Variants in CTIF observed in about 807,000 individuals in gnomAD.
The protein encoded by CTIF is cap binding complex dependent translation initiation factor, also known as CBP80/20-dependent translation initiation factor.
Under a neutral mutation model 66.0 loss-of-function variants are expected in CTIF, and 21 were observed. That is an observed-to-expected ratio of 0.32 (90% confidence interval 0.23 to 0.46). CTIF has a LOEUF of 0.46. Ranked by LOEUF, CTIF falls within the 20% of genes least tolerant of loss-of-function variation. The pLI is 1.00. For synonymous variants in CTIF, 345 were observed against 326.4 expected (o/e 1.06, Z -0.62); for missense variants, 739 against 812.7 (o/e 0.91, Z 1.10).
At chr18:48,788,631 G>A (rs543451654) in intron 9 of CTIF, among the ~76,000 whole-genome samples, 35 of 152,274 alleles carry the variant, frequency 2.3e-4, no homozygotes, top group African/African-American at 8.2e-4. Flanking sequence ...GGAGCAGTGG[G>A]AACAGCCAGA....
At chr18:48,630,318 T>C (rs1429040824) in intron 2 of CTIF, among the ~76,000 whole-genome samples, 1 of 152,184 alleles carries the variant, frequency 6.6e-6, no homozygotes, top group East Asian at 1.9e-4. Context: ...CGACTGTGCA[T>C]GTTGCAAGTA....
At chr18:48,794,914 C>T (rs1275469176) in intron 9 of CTIF, among the ~76,000 whole-genome samples, 2 of 151,762 alleles carry the variant, frequency 1.3e-5, no homozygotes, top group African/African-American at 2.4e-5. Flanking sequence ...CATGGGTGAT[C>T]GGTAGGGGGT....
chr18:48,671,492 A>G (rs1470324288), intron 6 of CTIF, among the ~76,000 whole-genome samples: 1 of 152,040 alleles, frequency 6.6e-6, no homozygotes. Flanking sequence ...ATCTATATCC[A>G]TTCATCTCTT....
intron 7 of CTIF, among the ~76,000 whole-genome samples, chr18:48,726,392 C>T (rs568378602): frequency 1.3e-5 from 2 of 152,284 alleles, no homozygotes; most frequent in African/African-American, 4.8e-5. Context: ...GGTCAGGAAT[C>T]CAGGAGCAGT....
At chr18:48,705,700 A>G (rs1034019008) in intron 6 of CTIF, among the ~76,000 whole-genome samples, 1 of 151,996 alleles carries the variant, frequency 6.6e-6, no homozygotes, top group African/African-American at 2.4e-5. Context: ...GCCCAGCCCA[A>G]CTCCCGGCAC....
intron 7 of CTIF, among the ~76,000 whole-genome samples, chr18:48,728,573 C>G (rs1260345237): frequency 6.6e-6 from 1 of 152,158 alleles, no homozygotes; most frequent in Non-Finnish European, 1.5e-5. Context: ...TGACACTTGA[C>G]TCAGATGGGA....
intron 9 of CTIF, among the ~76,000 whole-genome samples, chr18:48,809,201 A>G (rs1049353962): frequency 6.6e-6 from 1 of 152,130 alleles, no homozygotes; most frequent in African/African-American, 2.4e-5. Context: ...AAAGCTGTTG[A>G]TTTTGTGTAT....
intron 7 of CTIF, among the ~76,000 whole-genome samples, chr18:48,724,527 T>C (rs2092369161): frequency 6.6e-6 from 1 of 152,204 alleles, no homozygotes; most frequent in African/African-American, 2.4e-5. Context: ...TGGCCTCCTC[T>C]GATTCTGCAG....
Position 48,709,158 on chromosome 18 carries a change from A to G in CTIF, c.508-2461A>G, listed in dbSNP as rs116444930. Among the ~76,000 whole-genome samples, 1,420 of 152,378 alleles carry G rather than the reference A, an allele frequency of 9.3e-3. 24 individuals carry two copies. Among genetic ancestry groups the G allele is most frequent in the African/African-American group, 0.031 (1,299 of 41,586 alleles). On this transcript the variant is annotated intron_variant, in intron 6 of 11. Coordinates refer to ENST00000256413, the MANE Select transcript of CTIF (RefSeq NM_014772.3). ...ATGGAAACTGAGGCACATAGAGGTT[A>G]GGTCATCTGCTCAAAGTCACACAGC...
At chr18:48,613,542 A>G (rs2090346887) in intron 1 of CTIF, among the ~76,000 whole-genome samples, 1 of 152,150 alleles carries the variant, frequency 6.6e-6, no homozygotes, top group Non-Finnish European at 1.5e-5. Context: ...CTTTTTGTCA[A>G]AGAACATGGG....
At position 48,663,829 on chromosome 18, in the gene CTIF, A is replaced by G. The variant is rs75687084; in HGVS notation, c.326+4A>G. ...CCAACACCTTCGATTCCTTCAGGTA[A>G]CCTCCTCCTCCCTCCTTCCCTGTGG... On this transcript the variant is annotated splice_donor_region_variant and intron_variant, in intron 4 of 11. Coordinates refer to ENST00000256413, the MANE Select transcript of CTIF (RefSeq NM_014772.3). 1.7e-3 allele frequency: 2,710 copies of G among 1,613,596 alleles called. 17 individuals are homozygous for G. The African/African-American group carries it at 0.024, about 14-fold the overall frequency.
At chr18:48,636,867 C>T (rs951734026) in intron 3 of CTIF, among the ~76,000 whole-genome samples, 182 bp downstream of exon 3, 3 of 152,120 alleles carry the variant, frequency 2.0e-5, no homozygotes, top group Non-Finnish European at 1.5e-5. Flanking sequence ...AGGGAAGCTC[C>T]CACTCCCCCA....
chr18:48,790,381 G>A (rs2067764953), intron 9 of CTIF, among the ~76,000 whole-genome samples: 2 of 152,232 alleles, frequency 1.3e-5, no homozygotes, highest in African/African-American at 4.8e-5. Flanking sequence ...CTTGGGCCAT[G>A]GGAGAAGGCT....
At chr18:48,764,486 T>G (rs1272271603) in intron 9 of CTIF, among the ~76,000 whole-genome samples, 1 of 152,074 alleles carries the variant, frequency 6.6e-6, no homozygotes, top group Non-Finnish European at 1.5e-5. Context: ...TAGTGCCTGG[T>G]GCTGGAGGGC....
At chr18:48,649,610 G>C (rs1229631648) in intron 3 of CTIF, among the ~76,000 whole-genome samples, 1 of 152,242 alleles carries the variant, frequency 6.6e-6, no homozygotes, top group African/African-American at 2.4e-5. Flanking sequence ...GGTTCTCCCA[G>C]CATGGTGTTT....
chr18:48,611,193 G>T (rs1385244529), intron 1 of CTIF, among the ~76,000 whole-genome samples: 1 of 152,240 alleles, frequency 6.6e-6, no homozygotes, highest in Non-Finnish European at 1.5e-5. Context: ...TTGAGGGCAG[G>T]CAGCATAGAT....
intron 1 of CTIF, among the ~76,000 whole-genome samples, chr18:48,544,981 A>C (rs1278033167): frequency 6.6e-6 from 1 of 152,208 alleles, no homozygotes; most frequent in Non-Finnish European, 1.5e-5. Context: ...CAAGGCCCTT[A>C]CAGCGGCACA....
intron 5 of CTIF, among the ~76,000 whole-genome samples, chr18:48,666,713 C>G (rs535457496): frequency 2.2e-4 from 33 of 152,244 alleles, no homozygotes; most frequent in Non-Finnish European, 4.1e-4. Context: ...TAAGATGGAG[C>G]ATAGGAGAGA....
intron 1 of CTIF, among the ~76,000 whole-genome samples, chr18:48,597,973 C>G (rs1330855742): frequency 6.6e-6 from 1 of 152,194 alleles, no homozygotes; most frequent in Non-Finnish European, 1.5e-5. Flanking sequence ...TGCAGCAGGG[C>G]CTAGGATGGA....
Sources: gnomAD v4.1 joint callset for allele counts (sites outside exome capture counted in the v4.1 genomes callset) on GRCh38, gnomAD v4.1.1 for gene constraint, MANE v1.5 for transcripts, NCBI Gene and HGNC (gene_info 2026-07-23, HGNC 2026-07-21) for gene names.